Variants in SPMIP4 observed in about 807,000 individuals in gnomAD.
The protein encoded by SPMIP4 is sperm-associated microtubule inner protein 4.
the SPMIP4 span, among the ~76,000 whole-genome samples, chr7:25,134,313 T>C: frequency 7.3e-6 from 1 of 137,862 alleles, no homozygotes; most frequent in Non-Finnish European, 1.5e-5. Flanking sequence ...AAGAACCAGT[T>C]AGTAAACTAA....
the SPMIP4 span, among the ~76,000 whole-genome samples, chr7:25,159,624 C>T: frequency 1.2e-4 from 18 of 152,174 alleles, no homozygotes; most frequent in African/African-American, 3.9e-4. Flanking sequence ...GCAGATACTC[C>T]CTAGAAAGTG....
chr7:25,178,208 CT>C, the SPMIP4 span, among the ~76,000 whole-genome samples: 1 of 152,186 alleles, frequency 6.6e-6, no homozygotes, highest in Non-Finnish European at 1.5e-5. Flanking sequence ...CAGTCAACCA[CT>C]GATGGTCATT....
chr7:25,151,721 C>T, the SPMIP4 span: 1 of 1,136,924 alleles, frequency 8.8e-7, no homozygotes, highest in African/African-American at 1.5e-5. Flanking sequence ...TAAGAACAGT[C>T]TTTTAGAGGA....
At chr7:25,166,106 C>T in the SPMIP4 span, among the ~76,000 whole-genome samples, 1 of 152,150 alleles carries the variant, frequency 6.6e-6, no homozygotes, top group African/African-American at 2.4e-5. Flanking sequence ...GGCACTTCTT[C>T]CCTGATGAGG....
At chr7:25,125,782 C>G in the SPMIP4 span, 1,546 of 359,972 alleles carry the variant, frequency 4.3e-3, 24 homozygotes, top group African/African-American at 0.032. Context: ...CCTACTACCA[C>G]GGCTGGCGCC....
chr7:25,144,845 T>C, the SPMIP4 span, among the ~76,000 whole-genome samples: 4 of 152,208 alleles, frequency 2.6e-5, no homozygotes, highest in Non-Finnish European at 5.9e-5. Flanking sequence ...CTGCTACCCC[T>C]ATAAACCTTT....
the SPMIP4 span, among the ~76,000 whole-genome samples, chr7:25,153,547 G>A: frequency 4.9e-3 from 708 of 143,500 alleles, 3 homozygotes; most frequent in Middle Eastern, 0.022. Context: ...CTGGGCAACA[G>A]AGCAAGACTC....
the SPMIP4 span, among the ~76,000 whole-genome samples, chr7:25,148,496 A>C: frequency 2.9e-5 from 1 of 34,464 alleles, no homozygotes; most frequent in African/African-American, 8.6e-5. Flanking sequence ...TTTTTTTTTG[A>C]GACAGAGTCT....
the SPMIP4 span, among the ~76,000 whole-genome samples, chr7:25,128,066 C>A: frequency 6.6e-6 from 1 of 152,218 alleles, no homozygotes; most frequent in African/African-American, 2.4e-5. The surrounding 1 kb of genome is among the most constrained non-coding windows in gnomAD (Gnocchi z 4.5). Flanking sequence ...CAAATGGAGT[C>A]TCTGCACTGA....
chr7:25,168,411 T>C, the SPMIP4 span: 1 of 1,610,960 alleles, frequency 6.2e-7, no homozygotes, highest in East Asian at 2.2e-5. Flanking sequence ...CATACTCTCT[T>C]TCAGCGCCCC....
chr7:25,142,572 T>C, the SPMIP4 span: 7 of 1,343,076 alleles, frequency 5.2e-6, no homozygotes, highest in African/African-American at 1.5e-5. Flanking sequence ...AGTTGAAAGC[T>C]TGTCATAGCA....
the SPMIP4 span, among the ~76,000 whole-genome samples, chr7:25,168,943 T>A: frequency 6.7e-6 from 1 of 149,744 alleles, no homozygotes; most frequent in East Asian, 2.1e-4. Context: ...GCCAGGCTGG[T>A]CTCGAACTCC....
chr7:25,134,819 A>G, the SPMIP4 span: 47 of 985,424 alleles, frequency 4.8e-5, no homozygotes, highest in Admixed American at 2.3e-3. Flanking sequence ...TGCATTACAT[A>G]TTAAAGGCTA....
At chr7:25,163,937 T>C in the SPMIP4 span, among the ~76,000 whole-genome samples, 1 of 152,248 alleles carries the variant, frequency 6.6e-6, no homozygotes, top group African/African-American at 2.4e-5. The surrounding 1 kb of genome is among the most constrained non-coding windows in gnomAD (Gnocchi z 4.4). Context: ...CTCAATGTAC[T>C]GCAAAAGACA....
At chr7:25,146,212 C>T in the SPMIP4 span, among the ~76,000 whole-genome samples, 1 of 152,088 alleles carries the variant, frequency 6.6e-6, no homozygotes, top group Non-Finnish European at 1.5e-5. Context: ...TATTTTTGGC[C>T]TCTAGTCAGG....
At chr7:25,162,559 G>A in the SPMIP4 span, among the ~76,000 whole-genome samples, 1 of 152,034 alleles carries the variant, frequency 6.6e-6, no homozygotes, top group African/African-American at 2.4e-5. Flanking sequence ...CAACTAGTAA[G>A]CAGAGAAATG....
chr7:25,132,737 A>G, the SPMIP4 span, among the ~76,000 whole-genome samples: 4 of 152,316 alleles, frequency 2.6e-5, no homozygotes, highest in East Asian at 7.7e-4. This position sits in a 1 kb window ranked among gnomAD's most constrained non-coding sequence, Gnocchi z 5.0. Flanking sequence ...AGGATAAACA[A>G]TACCTAATTT....
chr7:25,177,278 C>T, the SPMIP4 span, among the ~76,000 whole-genome samples: 7 of 151,944 alleles, frequency 4.6e-5, no homozygotes, highest in African/African-American at 1.2e-4. Context: ...GTCAGGAGAT[C>T]GAGACCATCC....
At chr7:25,139,333 T>C in the SPMIP4 span, among the ~76,000 whole-genome samples, 1 of 152,178 alleles carries the variant, frequency 6.6e-6, no homozygotes, top group Non-Finnish European at 1.5e-5. Context: ...GGATAGATTA[T>C]GTGATAAAAC....
Sources: gnomAD v4.1 joint callset for allele counts (sites outside exome capture counted in the v4.1 genomes callset) on GRCh38, gnomAD v4.1.1 for gene constraint, Gnocchi (gnomAD v3.1) non-coding constraint, MANE v1.5 for transcripts, NCBI Gene and HGNC (gene_info 2026-07-23, HGNC 2026-07-21) for gene names.